The following LYZL2 variants were observed in gnomAD, a reference collection of about 807,000 sequenced individuals.
LYZL2 encodes the protein lysozyme-like protein 2.
In LYZL2, 13 loss-of-function variants were observed where a neutral mutation model predicts 17.1. That is an observed-to-expected ratio of 0.76 (90% CI 0.49 to 1.21). The LOEUF (loss-of-function observed/expected upper bound fraction) is 1.21, where lower values mean the gene tolerates loss of function less well. Ranked by LOEUF, LYZL2 falls within the 50% of genes most tolerant of loss-of-function variation. The pLI, the probability that LYZL2 is intolerant of heterozygous loss-of-function variation, is 0.00. For missense variants in LYZL2, 166 were observed against 189.2 expected (o/e 0.88, Z 0.72); for synonymous variants, 63 against 74.4 (o/e 0.85, Z 0.79).
chr10:30,626,664 T>C, intron 2 of LYZL2, 113 bp downstream of exon 2: 4 of 1,520,816 alleles, frequency 2.6e-6, no homozygotes, highest in African/African-American at 2.8e-5. Flanking sequence ...CTGGGTGTGG[T>C]GAGGGCAGAG....
downstream of LYZL2, among the ~76,000 whole-genome samples, chr10:30,611,496 GAA>G (rs1364150171): frequency 5.4e-5 from 4 of 74,598 alleles, no homozygotes; most frequent in Non-Finnish European, 5.2e-5. Context: ...ACAAGACTCT[GAA>G]AAAAAAAAAA....
downstream of LYZL2, among the ~76,000 whole-genome samples, chr10:30,609,451 G>T (rs1281380535): frequency 6.6e-6 from 1 of 152,152 alleles, no homozygotes; most frequent in Non-Finnish European, 1.5e-5. Context: ...GATATACTGG[G>T]TATAAAAGGA....
At chr10:30,608,391 C>T (rs1484457846), downstream of LYZL2, among the ~76,000 whole-genome samples, 3 of 152,168 alleles carry the variant, frequency 2.0e-5, no homozygotes, top group South Asian at 2.1e-4. Flanking sequence ...TTGATAAAGC[C>T]TCTACTTTTA....
rs1838449347 is a variant in LYZL2 at position 30,611,826 on chromosome 10, A to C, written c.*129T>G. The C allele has an allele frequency of 7.3e-6, 11 of 1,500,848 alleles. No individual in the cohort carries two copies. Among genetic ancestry groups the C allele is most frequent in the Non-Finnish European group, 1.0e-5 (11 of 1,102,872 alleles). The allele number at this position is 1,500,848 out of a possible 1,614,324, so 93.0% of individuals were successfully genotyped here. A position where few individuals can be genotyped will look rare whatever the true frequency, so the allele number is the denominator to read the frequency against. ...GAAATATTTATTTTCTTAAAAGTAT[A>C]GCTTAATTTTCCCTCTCCAAGTTTG... On this transcript the variant is annotated 3_prime_UTR_variant, in exon 5 of 5. Coordinates refer to ENST00000647634, the MANE Select transcript of LYZL2 (RefSeq NM_183058.3).
chr10:30,609,518 C>T (rs999275386), downstream of LYZL2, among the ~76,000 whole-genome samples: 3 of 152,214 alleles, frequency 2.0e-5, no homozygotes, highest in East Asian at 1.9e-4. Context: ...CAACAGAGAA[C>T]AAGTTGGGAT....
intron 3 of LYZL2, among the ~76,000 whole-genome samples, chr10:30,621,977 G>T (rs1209233433): frequency 6.6e-6 from 1 of 152,076 alleles, no homozygotes; most frequent in Non-Finnish European, 1.5e-5. Flanking sequence ...ACAGCACAAA[G>T]GATGGAATAG....
chr10:30,621,599 C>G (rs1216594183), intron 3 of LYZL2, among the ~76,000 whole-genome samples: 2 of 151,892 alleles, frequency 1.3e-5, no homozygotes, highest in African/African-American at 4.8e-5. Context: ...AAAACAACAA[C>G]AATAACAACT....
intron 3 of LYZL2, among the ~76,000 whole-genome samples, chr10:30,620,834 C>A (rs1655888319): frequency 1.3e-5 from 2 of 150,834 alleles, no homozygotes; most frequent in East Asian, 4.0e-4. Flanking sequence ...TGAAAAGAAA[C>A]ATCCAATCAA....
downstream of LYZL2, among the ~76,000 whole-genome samples, chr10:30,611,603 G>GAAAGAAAGAAAGAAAGAAAGAAAGAA (rs1299939350): frequency 8.9e-6 from 1 of 112,194 alleles, no homozygotes; most frequent in East Asian, 2.2e-4. Flanking sequence ...AAGAAAGAAA[G>GAAAGAAAGAAAGAAAGAAAGAAAGAA]AAAGAAAGAA....
chr10:30,622,792 C>T (rs1328510603), intron 3 of LYZL2, among the ~76,000 whole-genome samples: 1 of 152,144 alleles, frequency 6.6e-6, no homozygotes, highest in Non-Finnish European at 1.5e-5. Flanking sequence ...AAATATTTAT[C>T]ATTTGGCCCT....
chr10:30,612,300 T>C (rs1838458399), intron 4 of LYZL2, among the ~76,000 whole-genome samples: 1 of 152,180 alleles, frequency 6.6e-6, no homozygotes, highest in Non-Finnish European at 1.5e-5. Context: ...TCGGGTTCCC[T>C]GAGTGGGGCC....
chr10:30,623,742 A>G (rs1222843565), intron 3 of LYZL2, among the ~76,000 whole-genome samples: 1 of 152,238 alleles, frequency 6.6e-6, no homozygotes, highest in African/African-American at 2.4e-5. Context: ...GGTGAGTTGC[A>G]TAATTATTCC....
intron 1 of LYZL2, 58 bp from the exon 2 acceptor site, chr10:30,626,998 G>C: frequency 6.3e-7 from 1 of 1,598,192 alleles, no homozygotes; most frequent in Non-Finnish European, 8.5e-7. Context: ...TCGAAATCCA[G>C]CATCGGTGAC....
downstream of LYZL2, among the ~76,000 whole-genome samples, chr10:30,610,922 C>T (rs16931784): frequency 0.13 from 19,309 of 152,092 alleles, 1,399 homozygotes; most frequent in East Asian, 0.24. Context: ...CTCTTGCGTG[C>T]GTGTAGGTAC....
intron 1 of LYZL2, among the ~76,000 whole-genome samples, chr10:30,628,529 A>C (rs569685477): frequency 3.0e-4 from 46 of 152,302 alleles, no homozygotes; most frequent in African/African-American, 1.1e-3. Flanking sequence ...CTCCCCTCTT[A>C]AAATAATGTC....
intron 3 of LYZL2, among the ~76,000 whole-genome samples, chr10:30,616,459 C>T (rs1164621544): frequency 3.3e-5 from 5 of 152,128 alleles, no homozygotes; most frequent in Admixed American, 2.0e-4. Context: ...CTGAGGCGGG[C>T]AGATCGCCAG....
At chr10:30,620,972 G>A (rs949711250) in intron 3 of LYZL2, among the ~76,000 whole-genome samples, 3 of 152,236 alleles carry the variant, frequency 2.0e-5, no homozygotes, top group East Asian at 1.9e-4. Context: ...ATGATGAATG[G>A]TACAGCATCA....
chr10:30,609,400 A>G (rs1838408661), downstream of LYZL2, among the ~76,000 whole-genome samples: 1 of 152,222 alleles, frequency 6.6e-6, no homozygotes, highest in Non-Finnish European at 1.5e-5. Flanking sequence ...ACAACCTCCA[A>G]GTTTGGGAAA....
Position 30,613,002 on chromosome 10 carries a change from G to T in LYZL2, c.299-102C>A, listed in dbSNP as rs1177081434. 4.3e-5 allele frequency: 36 copies of T among 832,706 alleles called. No homozygotes were observed. The East Asian group carries it at 8.5e-4, about 20-fold the overall frequency. 51.6% of individuals were successfully genotyped at this position (832,706 alleles called of 1,614,324 possible). On this transcript the variant is annotated intron_variant, in intron 3 of 4. Coordinates refer to ENST00000647634, the MANE Select transcript of LYZL2 (RefSeq NM_183058.3). ...TTTCTCAGTCTTTTTGGGATGGGAA[G>T]GTTGGAAGAACTATAATTTTCCCTG...
Sources: allele counts gnomAD v4.1 joint callset (sites outside exome capture counted in the v4.1 genomes callset), GRCh38; gene constraint gnomAD v4.1.1; transcripts MANE v1.5; gene names NCBI Gene and HGNC (gene_info 2026-07-23, HGNC 2026-07-21).